Variants in FGF12 observed in about 807,000 individuals in gnomAD.
The protein encoded by FGF12 is fibroblast growth factor 12B.
Under a neutral mutation model 23.6 loss-of-function variants are expected in FGF12, and 14 were observed. The ratio of observed to expected loss-of-function variants is 0.59; its 90% CI spans 0.39 to 0.93. FGF12 has a LOEUF of 0.93. Among genes scored for constraint, FGF12 ranks in the 40% least tolerant of loss-of-function variants. The pLI is 0.00. For synonymous variants in FGF12, 62 were observed against 77.3 expected (o/e 0.80, Z 1.04); for missense variants, 175 against 217.8 (o/e 0.80, Z 1.24).
chr3:192,308,080 A>T (rs1038857247), intron 4 of FGF12, among the ~76,000 whole-genome samples: 3 of 152,236 alleles, frequency 2.0e-5, no homozygotes, highest in African/African-American at 7.2e-5. Flanking sequence ...CTCCATACTT[A>T]TATTTTAAAT....
intron 2 of FGF12, among the ~76,000 whole-genome samples, chr3:192,679,766 CACG>C (rs1717454735): frequency 6.6e-6 from 1 of 152,204 alleles, no homozygotes; most frequent in Non-Finnish European, 1.5e-5. Flanking sequence ...GCTTCTAAAT[CACG>C]ATGGCTGCTT....
At chr3:192,193,549 T>C (rs554776314) in intron 4 of FGF12, among the ~76,000 whole-genome samples, 1 of 152,296 alleles carries the variant, frequency 6.6e-6, no homozygotes, top group South Asian at 2.1e-4. Flanking sequence ...TATTTGACAT[T>C]CTCTTACCAA....
At chr3:192,342,327 A>T (rs893427095) in intron 3 of FGF12, among the ~76,000 whole-genome samples, 4 of 152,212 alleles carry the variant, frequency 2.6e-5, no homozygotes, top group African/African-American at 9.6e-5. Context: ...AAAGCCAAAA[A>T]ACCTACATGG....
intron 4 of FGF12, among the ~76,000 whole-genome samples, chr3:192,194,254 G>A (rs1261654806): frequency 3.3e-5 from 5 of 152,172 alleles, no homozygotes; most frequent in Non-Finnish European, 1.5e-5. Context: ...GTTAAAGCTT[G>A]TGCCTCAAAG....
intron 4 of FGF12, among the ~76,000 whole-genome samples, chr3:192,220,904 C>T (rs1718440007): frequency 6.6e-6 from 1 of 152,148 alleles, no homozygotes; most frequent in Non-Finnish European, 1.5e-5. Flanking sequence ...CAAGGCAATT[C>T]CTCTATTATT....
intron 2 of FGF12, among the ~76,000 whole-genome samples, chr3:192,387,790 T>C (rs11914943): frequency 0.051 from 7,813 of 151,754 alleles, 417 homozygotes; most frequent in African/African-American, 0.14. Context: ...AGAAGACTGA[T>C]GTGGGAGCAT....
intron 4 of FGF12, among the ~76,000 whole-genome samples, chr3:192,268,024 G>A (rs1399184538): frequency 6.6e-6 from 1 of 152,084 alleles, no homozygotes; most frequent in African/African-American, 2.4e-5. Flanking sequence ...CCCAAGGGAT[G>A]GATATCTCAG....
At chr3:192,281,429 T>C (rs1036048813) in intron 4 of FGF12, among the ~76,000 whole-genome samples, 7 of 152,088 alleles carry the variant, frequency 4.6e-5, no homozygotes, top group African/African-American at 1.7e-4. Context: ...TCAAGGTCCT[T>C]AATTAATTAT....
chr3:192,529,876 G>T (rs1476492984), intron 2 of FGF12, among the ~76,000 whole-genome samples: 2 of 152,112 alleles, frequency 1.3e-5, no homozygotes, highest in Non-Finnish European at 2.9e-5. Flanking sequence ...CACAACATAT[G>T]GGAATTCAAG....
At chr3:192,601,039 A>C (rs1714094681) in intron 2 of FGF12, among the ~76,000 whole-genome samples, 1 of 152,110 alleles carries the variant, frequency 6.6e-6, no homozygotes, top group African/African-American at 2.4e-5. Flanking sequence ...CAAAATATGG[A>C]GTCAATCTAG....
chr3:192,549,946 G>A lies in FGF12; in HGVS notation c.13+177235C>T, dbSNP rs536555540. Among the ~76,000 whole-genome samples, 3 of 152,152 alleles carry A rather than the reference G, an allele frequency of 2.0e-5. No individual in the cohort carries two copies. In the South Asian group the frequency reaches 6.2e-4, roughly 32 times the overall value. ...TTAGGTCTCTAGTTTGCAGACTGCA[G>A]ACCTTGGAACTTATCAGCCTCCAAA... On this transcript the variant is annotated intron_variant, in intron 2 of 5. Transcript: ENST00000445105.
intron 3 of FGF12, among the ~76,000 whole-genome samples, chr3:192,337,129 A>G (rs868248993): frequency 9.2e-5 from 14 of 152,280 alleles, no homozygotes; most frequent in Middle Eastern, 6.8e-3. Context: ...AGTTGGGGAG[A>G]AAAAGCTAAG....
chr3:192,561,464 G>A (rs1282265592), intron 2 of FGF12, among the ~76,000 whole-genome samples: 1 of 151,940 alleles, frequency 6.6e-6, no homozygotes, highest in Non-Finnish European at 1.5e-5. Context: ...CTGGGTTCAA[G>A]CGATTCTCCT....
At chr3:192,712,589 G>T (rs1004697305) in intron 2 of FGF12, among the ~76,000 whole-genome samples, 2 of 152,086 alleles carry the variant, frequency 1.3e-5, no homozygotes, top group African/African-American at 4.8e-5. Context: ...CAGAAAAAAA[G>T]ATGTTGTAAT....
chr3:192,269,468 A>G (rs1291112809), intron 4 of FGF12, among the ~76,000 whole-genome samples: 1 of 152,196 alleles, frequency 6.6e-6, no homozygotes, highest in Non-Finnish European at 1.5e-5. Context: ...TCCCAAACCC[A>G]GGGGTTATCA....
chr3:192,720,211 A>G (rs1474967316), intron 2 of FGF12, among the ~76,000 whole-genome samples: 6 of 152,270 alleles, frequency 3.9e-5, no homozygotes, highest in Admixed American at 2.0e-4. Flanking sequence ...TACTTCTATC[A>G]CGTAGTTTAA....
At chr3:192,370,335 T>C (rs1423547242) in intron 2 of FGF12, among the ~76,000 whole-genome samples, 1 of 152,140 alleles carries the variant, frequency 6.6e-6, no homozygotes, top group Admixed American at 6.5e-5. Flanking sequence ...TTGTGTATAA[T>C]ATAACACAAA....
chr3:192,546,423 A>G (rs772678906), intron 2 of FGF12, among the ~76,000 whole-genome samples: 14 of 151,796 alleles, frequency 9.2e-5, no homozygotes, highest in Non-Finnish European at 2.1e-4. Context: ...TTAAGGAGAA[A>G]TTTAAAATGC....
chr3:192,315,873 G>A (rs1027311212), intron 4 of FGF12, among the ~76,000 whole-genome samples: 1 of 152,142 alleles, frequency 6.6e-6, no homozygotes, highest in African/African-American at 2.4e-5. Flanking sequence ...TGGAGCTTCA[G>A]CTTTTTCAGA....
Sources: allele counts gnomAD v4.1 joint callset (sites outside exome capture counted in the v4.1 genomes callset), GRCh38; gene constraint gnomAD v4.1.1; transcripts MANE v1.5; gene names NCBI Gene and HGNC (gene_info 2026-07-23, HGNC 2026-07-21).